CACNB2: variants seen among roughly 807,000 people sequenced by gnomAD.
CACNB2 encodes the protein voltage-dependent L-type calcium channel subunit beta-2.
Under a neutral mutation model 73.3 loss-of-function variants are expected in CACNB2, and 42 were observed. That is an observed-to-expected ratio of 0.57 (90% CI 0.45 to 0.74). CACNB2 has a LOEUF of 0.74. Ranked by LOEUF, CACNB2 falls within the 30% of genes least tolerant of loss-of-function variation. The probability of loss-of-function intolerance (pLI) is 0.00; values close to 1 mark genes in which losing one functional copy is unlikely to be tolerated. For synonymous variants in CACNB2, 348 were observed against 310.3 expected (o/e 1.12, Z -1.28); for missense variants, 940 against 853.0 (o/e 1.10, Z -1.27).
At chr10:18,513,710 A>C (rs934399435) in intron 6 of CACNB2, 2 of 198,424 alleles carry the variant, frequency 1.0e-5, no homozygotes, top group Admixed American at 5.4e-5. Context: ...AAAACGCATA[A>C]AGCGAGAAAT....
intron 2 of CACNB2, among the ~76,000 whole-genome samples, chr10:18,165,999 G>A (rs2032826262): frequency 6.6e-6 from 1 of 152,036 alleles, no homozygotes; most frequent in Non-Finnish European, 1.5e-5. Context: ...AAGTTATTTA[G>A]CTTAAAAATC....
At chr10:18,358,689 A>G (rs2042030521) in intron 2 of CACNB2, among the ~76,000 whole-genome samples, 2 of 152,148 alleles carry the variant, frequency 1.3e-5, no homozygotes, top group African/African-American at 4.8e-5. Flanking sequence ...AAATAGAGCA[A>G]TAGAGTATGA....
chr10:18,400,507 A>G (rs1215866717), intron 2 of CACNB2: 4 of 878,730 alleles, frequency 4.6e-6, no homozygotes, highest in Non-Finnish European at 5.5e-6. Flanking sequence ...TCTGCGTAAA[A>G]AGGCGACATA....
chr10:18,258,796 A>C (rs992893851), intron 2 of CACNB2, among the ~76,000 whole-genome samples: 2 of 152,132 alleles, frequency 1.3e-5, no homozygotes, highest in Admixed American at 6.5e-5. Flanking sequence ...CTTTTATATT[A>C]CTTAGTGTTC....
chr10:18,178,086 G>A (rs1255306861), intron 2 of CACNB2, among the ~76,000 whole-genome samples: 2 of 152,100 alleles, frequency 1.3e-5, no homozygotes, highest in Non-Finnish European at 2.9e-5. Flanking sequence ...TTTGCATTGG[G>A]ATGCATACTT....
chr10:18,279,620 C>A (rs2038452931), intron 2 of CACNB2, among the ~76,000 whole-genome samples: 1 of 152,184 alleles, frequency 6.6e-6, no homozygotes. Context: ...CAAGGGTTGG[C>A]ATTTAGTTAC....
chr10:18,468,231 A>T (rs2048002437), intron 3 of CACNB2, among the ~76,000 whole-genome samples: 1 of 152,172 alleles, frequency 6.6e-6, no homozygotes, highest in African/African-American at 2.4e-5. Flanking sequence ...AGGCTAAGGC[A>T]GGCCGATTTC....
intron 2 of CACNB2, among the ~76,000 whole-genome samples, chr10:18,395,961 A>G (rs1426480369): frequency 1.3e-5 from 2 of 151,982 alleles, no homozygotes; most frequent in Non-Finnish European, 2.9e-5. Flanking sequence ...TGATGATTTT[A>G]TTGTTATTAT....
At chr10:18,261,955 T>G (rs1265331996) in intron 2 of CACNB2, 1 of 518,862 alleles carries the variant, frequency 1.9e-6, no homozygotes. Context: ...GATTGGATGC[T>G]AATTGCAATA....
At chr10:18,146,819 C>T (rs985967494) in intron 1 of CACNB2, among the ~76,000 whole-genome samples, 6 of 152,122 alleles carry the variant, frequency 3.9e-5, no homozygotes, top group African/African-American at 1.2e-4. Flanking sequence ...AACAGGGTTT[C>T]GCCATGTTGG....
chr10:18,216,133 T>TAAA (rs5783587), intron 2 of CACNB2, among the ~76,000 whole-genome samples: 1 of 144,770 alleles, frequency 6.9e-6, no homozygotes, highest in African/African-American at 2.6e-5. Context: ...CCGTCTCAAC[T>TAAA]AAAAAAAAAA....
chr10:18,195,710 C>T (rs898831446), intron 2 of CACNB2, among the ~76,000 whole-genome samples: 2 of 152,182 alleles, frequency 1.3e-5, no homozygotes, highest in Non-Finnish European at 2.9e-5. Flanking sequence ...TACCTGCATT[C>T]GTTGATAAGT....
rs952789645 is a variant in CACNB2 at position 18,536,347 on chromosome 10, C to G, written c.1302+151C>G. The G allele has an allele frequency of 8.5e-6, 5 of 588,136 alleles. No individual in the cohort carries two copies. The Admixed American group carries it at 9.4e-5, about 11-fold the overall frequency. The allele number at this position is 588,136 out of a possible 1,614,324, so 36.4% of individuals were successfully genotyped here. On this transcript the variant is annotated intron_variant, in intron 12 of 13. Transcript: ENST00000324631. ...GGTCTTAGCTCACTGCAGCCCTGAA[C>G]TCCCGGGCTCAAGTGATCCTATTGC...
intron 3 of CACNB2, among the ~76,000 whole-genome samples, chr10:18,405,561 A>G (rs1405648050): frequency 1.3e-5 from 2 of 152,034 alleles, no homozygotes; most frequent in Non-Finnish European, 2.9e-5. Flanking sequence ...TGAAATAATG[A>G]TTTTCTTCTT....
intron 2 of CACNB2, among the ~76,000 whole-genome samples, chr10:18,181,559 A>G (rs1316852082): frequency 2.3e-5 from 3 of 130,580 alleles, no homozygotes; most frequent in Admixed American, 7.7e-5. Context: ...TTTGAGGATA[A>G]CTTTTTTATT....
At chr10:18,474,934 A>G (rs918688239) in intron 3 of CACNB2, among the ~76,000 whole-genome samples, 1 of 151,682 alleles carries the variant, frequency 6.6e-6, no homozygotes, top group Non-Finnish European at 1.5e-5. Flanking sequence ...CGCACAAGTG[A>G]TGAGTCTCCA....
At chr10:18,314,625 T>G (rs1049682652) in intron 2 of CACNB2, among the ~76,000 whole-genome samples, 1 of 151,958 alleles carries the variant, frequency 6.6e-6, no homozygotes, top group African/African-American at 2.4e-5. Context: ...AACAGCTAAA[T>G]CAGTCTATTA....
At chr10:18,481,536 C>T (rs1053802548) in intron 3 of CACNB2, among the ~76,000 whole-genome samples, 3 of 151,620 alleles carry the variant, frequency 2.0e-5, no homozygotes, top group Non-Finnish European at 2.9e-5. Flanking sequence ...CGTGAGCCAC[C>T]GTACCCGGCC....
intron 3 of CACNB2, among the ~76,000 whole-genome samples, chr10:18,493,840 T>C: frequency 6.6e-6 from 1 of 152,170 alleles, no homozygotes; most frequent in Non-Finnish European, 1.5e-5. Flanking sequence ...GAAGTGACAT[T>C]GTCACTGGCC....
Sources: allele counts gnomAD v4.1 joint callset (sites outside exome capture counted in the v4.1 genomes callset), GRCh38; gene constraint gnomAD v4.1.1; transcripts MANE v1.5; gene names NCBI Gene and HGNC (gene_info 2026-07-23, HGNC 2026-07-21).